Variants in ZNF251 observed in about 807,000 individuals in gnomAD.
ZNF251 encodes the protein zinc finger protein 251.
Under a neutral mutation model 13.5 loss-of-function variants are expected in ZNF251, and 14 were observed. That is an observed-to-expected ratio of 1.04 (90% CI 0.69 to 1.63). ZNF251 has a LOEUF of 1.63. Ranked by LOEUF, ZNF251 falls within the 40% of genes most tolerant of loss-of-function variation. The pLI, the probability that ZNF251 is intolerant of heterozygous loss-of-function variation, is 0.00. For missense variants in ZNF251, 764 were observed against 834.9 expected, an observed-to-expected ratio of 0.92 and a Z score of 1.05; for synonymous variants, 287 against 295.2, an observed-to-expected ratio of 0.97 and a Z score of 0.28.
chr8:144,748,453 T>A (rs1318163011), intron 4 of ZNF251, among the ~76,000 whole-genome samples: 1 of 152,238 alleles, frequency 6.6e-6, no homozygotes, highest in Non-Finnish European at 1.5e-5. Context: ...GTAAGATATT[T>A]CCGCTTTCTT....
chr8:144,750,846 G>GTTTTTTTTTTTTTTT (rs58473905), intron 4 of ZNF251, among the ~76,000 whole-genome samples: 8 of 141,318 alleles, frequency 5.7e-5, no homozygotes, highest in Non-Finnish European at 6.1e-5. Context: ...TCTCTCCAGA[G>GTTTTTTTTTTTTTTT]TTTTTTTTTT....
intron 4 of ZNF251, among the ~76,000 whole-genome samples, chr8:144,742,857 A>C: frequency 6.6e-6 from 1 of 152,182 alleles, no homozygotes; most frequent in East Asian, 1.9e-4. Context: ...CTGGCCTTTC[A>C]GAATCCACTT....
chr8:144,745,188 C>CTTTTT lies in ZNF251; in HGVS notation c.277+8490_277+8494dup, dbSNP rs746070716. ...ATTTTTTGTGATGGGTGTCTAGATT[C>CTTTTT]TTTTTTTTTTTTTTTTTTTGGCACG... On this transcript the variant is annotated intron_variant, in intron 4 of 4. Transcript: ENST00000292562. 6.1e-5 allele frequency among the ~76,000 whole-genome samples: 7 copies of CTTTTT among 114,582 alleles called. No homozygotes were observed. The East Asian group carries it at 1.1e-3, about 18-fold the overall frequency. The allele number at this position is 114,582 out of a possible 152,430, so 75.2% of individuals were successfully genotyped here. A position where few individuals can be genotyped will look rare whatever the true frequency, so the allele number is the denominator to read the frequency against.
chr8:144,753,773 A>T lies in ZNF251; in HGVS notation c.187T>A (p.Leu63Met). ...TTCCCCTGCTCCAGCTGGGAGATCA[A>T]CTCCGGCTTAGGGACAGGGAATCCT... ...SLGFPVPKPE[L>M]ISQLEQGKEL... is the part of the protein sequence containing the mutation. Residue 63 changes from leucine (L) to methionine (M), a missense_variant, in exon 4 of 5, where the codon TTG becomes ATG. Transcript: ENST00000292562. 6.3e-7 allele frequency: 1 copy of T among 1,587,978 alleles called. No individual in the cohort carries two copies. The highest frequency in any genetic ancestry group is 8.6e-7 in the Non-Finnish European group (1 of 1,166,488).
intron 4 of ZNF251, among the ~76,000 whole-genome samples, chr8:144,741,349 TAC>T (rs568365482): frequency 2.6e-4 from 40 of 152,220 alleles, no homozygotes; most frequent in African/African-American, 9.6e-4. Flanking sequence ...TGCACAGATG[TAC>T]ACACACACTC....
chr8:144,732,652 A>T (rs1225818873), intron 4 of ZNF251, among the ~76,000 whole-genome samples: 1 of 151,798 alleles, frequency 6.6e-6, no homozygotes, highest in Non-Finnish European at 1.5e-5. Context: ...CTCTACTAAA[A>T]ATACAAAAAA....
In ZNF251 at chr8:144,728,368, A is replaced by T. The variant is rs528750693; in HGVS notation, c.278-4986T>A. On this transcript the variant is annotated intron_variant, in intron 4 of 4. Transcript: ENST00000292562. ...ATCACAGAGCACCATAACAGATATA[A>T]AAAAAAGGTTTGAGGCCAGGCGCAG... is the stretch of plus-strand genomic sequence containing the variant. Among the ~76,000 whole-genome samples, 82 of 152,086 alleles carry T rather than the reference A, an allele frequency of 5.4e-4. 1 individual carries two copies. In the South Asian group the frequency reaches 0.017, roughly 31 times the overall value.
At chr8:144,740,928 C>T (rs945461863) in intron 4 of ZNF251, among the ~76,000 whole-genome samples, 2 of 150,784 alleles carry the variant, frequency 1.3e-5, no homozygotes, top group East Asian at 1.9e-4. Flanking sequence ...AGCGAAACTC[C>T]GTCTCAAAAA....
chr8:144,725,128 C>G (rs1030496114), intron 4 of ZNF251, among the ~76,000 whole-genome samples: 2 of 152,180 alleles, frequency 1.3e-5, no homozygotes, highest in Non-Finnish European at 2.9e-5. Flanking sequence ...ATTCTCCTGC[C>G]TCAGCCTCCC....
At chr8:144,729,609 C>T (rs1003420712) in intron 4 of ZNF251, among the ~76,000 whole-genome samples, 1 of 151,912 alleles carries the variant, frequency 6.6e-6, no homozygotes, top group African/African-American at 2.4e-5. Flanking sequence ...GTGCTGGGAT[C>T]ACAGGCGTGA....
chr8:144,723,198 ACT>A lies in ZNF251; in HGVS notation c.460_461del (p.Ser154PhefsTer30), dbSNP rs1312190867. 4 of 1,611,706 alleles carry A rather than the reference ACT, an allele frequency of 2.5e-6. No homozygotes were observed. The highest frequency in any genetic ancestry group is 1.6e-4 in the Middle Eastern group (1 of 6,068). ...KERVGNSAGQ[S>X]LNKPNIHKRV... ...TCTTGTGAATATTGGGTTTGTTCAA[ACT>A]CTGCCCGGCAGAATTTCCCACGCGC... On this transcript the variant is annotated frameshift_variant, in exon 5 of 5. Coordinates refer to ENST00000292562, the MANE Select transcript of ZNF251 (RefSeq NM_138367.2). LOFTEE classifies it low-confidence loss of function (END_TRUNC).
chr8:144,742,313 A>C (rs530152106), intron 4 of ZNF251, among the ~76,000 whole-genome samples: 2 of 152,312 alleles, frequency 1.3e-5, no homozygotes, highest in South Asian at 4.2e-4. Context: ...TTTGGGCTGA[A>C]GGGAAATGGT....
chr8:144,730,099 C>T (rs146848611), intron 4 of ZNF251: 2 of 985,488 alleles, frequency 2.0e-6, no homozygotes, highest in African/African-American at 3.5e-5. Context: ...CTTCGTACAT[C>T]ACCAGAGTCG....
intron 4 of ZNF251, 185 bp downstream of exon 4, chr8:144,753,498 G>T (rs1343051603): frequency 3.6e-6 from 2 of 558,530 alleles, no homozygotes; most frequent in Non-Finnish European, 6.3e-6. Flanking sequence ...CAAAGAAACA[G>T]ACCAGCAAGA....
intron 4 of ZNF251, among the ~76,000 whole-genome samples, chr8:144,748,380 A>T (rs771141720): frequency 6.6e-6 from 1 of 151,984 alleles, no homozygotes; most frequent in Non-Finnish European, 1.5e-5. Flanking sequence ...CCAACCTCAC[A>T]TATTTTGATG....
At chr8:144,738,572 C>T in intron 4 of ZNF251, 2 of 985,454 alleles carry the variant, frequency 2.0e-6, no homozygotes, top group South Asian at 9.4e-5. Flanking sequence ...TGTTGGAGGA[C>T]CAATCAGTCA....
intron 4 of ZNF251, among the ~76,000 whole-genome samples, chr8:144,740,210 G>A (rs1824094786): frequency 6.6e-6 from 1 of 152,142 alleles, no homozygotes; most frequent in Non-Finnish European, 1.5e-5. Context: ...GCTTGAACCC[G>A]GGAGGTGGAG....
At position 144,723,165 on chromosome 8, in the gene ZNF251, T is replaced by C. The variant is rs201161743; in HGVS notation, c.495A>G (p.Leu165=). 12 of 1,612,712 alleles carry C rather than the reference T, an allele frequency of 7.4e-6. No individual in the cohort carries two copies. In the Admixed American group the frequency reaches 1.7e-4, roughly 23 times the overall value. The stretch of plus-strand genomic sequence containing the variant: ...TTTCCCTGCCCACGGTAGCTTCTGT[T>C]AAAACTCTCTTGTGAATATTGGGTT... ...LNKPNIHKRV[L]TEATVGRERS... Residue 165 remains leucine (L), a synonymous_variant, in exon 5 of 5, where the codon TTA becomes TTG. Transcript: ENST00000292562.
chr8:144,754,734 G>A lies in ZNF251; in HGVS notation c.-6C>T, dbSNP rs1304065663. ...AGCTGGAATGTGGCTGCCATTCTGT[G>A]TGCATGGGCTGCTGTGGTTTCCAAG... On this transcript the variant is annotated 5_prime_UTR_variant, in exon 2 of 5. Transcript: ENST00000292562. 2 of 1,612,328 alleles carry A rather than the reference G, an allele frequency of 1.2e-6. No individual in the cohort carries two copies. Among genetic ancestry groups the A allele is most frequent in the South Asian group, 1.1e-5 (1 of 90,544 alleles).
Sources: gnomAD v4.1 joint callset for allele counts (sites outside exome capture counted in the v4.1 genomes callset) on GRCh38, gnomAD v4.1.1 for gene constraint, MANE v1.5 for transcripts, NCBI Gene and HGNC (gene_info 2026-07-23, HGNC 2026-07-21) for gene names.